Variants in WASHC2A observed in about 807,000 individuals in gnomAD.
WASHC2A encodes the protein WASH complex subunit 2A, also known as WASH complex subunit FAM21A.
In WASHC2A, 82 loss-of-function variants were observed where a neutral mutation model predicts 140.3. The observed-to-expected ratio is 0.58, with a 90% confidence interval of 0.49 to 0.70. The LOEUF (loss-of-function observed/expected upper bound fraction) is 0.70. Ranked by LOEUF, WASHC2A falls within the 30% of genes least tolerant of loss-of-function variation. The pLI is 0.00. For missense variants in WASHC2A, 985 were observed against 1,521.8 expected (o/e 0.65, Z 5.87); for synonymous variants, 340 against 560.8 (o/e 0.61, Z 5.56).
In WASHC2A at chr10:50,092,152, G is replaced by C. The variant is rs1460763128; in HGVS notation, c.932-10G>C. 6 of 1,558,622 alleles carry C rather than the reference G, an allele frequency of 3.8e-6. No homozygotes were observed. The highest frequency in any genetic ancestry group is 3.7e-5 in the Admixed American group (2 of 53,732). ...CTTAGTACTATTAAAACTGTGAACTGTTCTTCAAGCCTTACCCTCAGGAGA... is the reference window on the plus strand; with the variant it reads ...CTTAGTACTATTAAAACTGTGAACTCTTCTTCAAGCCTTACCCTCAGGAGA... On this transcript the variant is annotated splice_polypyrimidine_tract_variant and intron_variant, in intron 10 of 30. Transcript: ENST00000282633.
chr10:50,129,821 GGTGGTAAAGC>G lies in WASHC2A; in HGVS notation c.3491_3500del (p.Gly1164GlufsTer9), dbSNP rs1843775841. On this transcript the variant is annotated frameshift_variant, in exon 29 of 31. Transcript: ENST00000282633. LOFTEE classifies it high-confidence loss of function. ...AGAGAATCCTGCCAACCCACCAGTG[GGTGGTAAAGC>G]AAAGAGCCCCATGTTTCCTGCTCTA... 1.2e-6 allele frequency: 2 copies of G among 1,611,912 alleles called. No individual in the cohort carries two copies. The highest frequency in any genetic ancestry group is 1.3e-5 in the African/African-American group (1 of 74,860).
At chr10:50,077,134 G>A (rs1554878287) in intron 3 of WASHC2A, among the ~76,000 whole-genome samples, 12 of 149,102 alleles carry the variant, frequency 8.0e-5, no homozygotes, top group African/African-American at 3.0e-4. Flanking sequence ...AAAAAAAAGG[G>A]CAAAAACAAA....
intron 5 of WASHC2A, among the ~76,000 whole-genome samples, 155 bp from the exon 6 acceptor site, chr10:50,083,915 ATT>A (rs147264973): frequency 0.21 from 23,738 of 111,428 alleles, 4,657 homozygotes; most frequent in Admixed American, 0.33. Context: ...GAAAAAAAGA[ATT>A]TTTTTTTTAA....
chr10:50,102,057 C>A (rs1253735066), intron 17 of WASHC2A, among the ~76,000 whole-genome samples: 2 of 152,124 alleles, frequency 1.3e-5, no homozygotes, highest in African/African-American at 4.8e-5. Context: ...TCACAATGGC[C>A]CATCCAGGTT....
chr10:50,092,034 C>T (rs1839983191), intron 10 of WASHC2A, 128 bp from the exon 11 acceptor site: 1 of 1,579,844 alleles, frequency 6.3e-7, no homozygotes, highest in African/African-American at 1.3e-5. Flanking sequence ...TGCTCTGGTG[C>T]AGCTGAGATG....
In WASHC2A at chr10:50,083,603, G is replaced by T. The variant is rs1839117019; in HGVS notation, c.529-469G>T. Reference sequence around the variant, plus strand: ...ATGGAGTTTTGCTCTTATTGCCCAGGCTGGAGTGCAGTAGTGCAATCTCAG... The same window carrying T: ...ATGGAGTTTTGCTCTTATTGCCCAGTCTGGAGTGCAGTAGTGCAATCTCAG... On this transcript the variant is annotated intron_variant, in intron 5 of 30. Transcript: ENST00000282633. Among the ~76,000 whole-genome samples the T allele has an allele frequency of 4.1e-5, 5 of 121,036 alleles. No homozygotes were observed. In the South Asian group the frequency reaches 1.4e-3, roughly 34 times the overall value. 79.4% of individuals were successfully genotyped at this position (121,036 alleles called of 152,430 possible).
intron 4 of WASHC2A, among the ~76,000 whole-genome samples, chr10:50,080,056 G>T (rs1838756439): frequency 6.6e-6 from 1 of 151,772 alleles, no homozygotes; most frequent in African/African-American, 2.4e-5. Flanking sequence ...AGGGGGAAAT[G>T]ACACTAAATA....
intron 3 of WASHC2A, among the ~76,000 whole-genome samples, chr10:50,077,095 C>A (rs1838415377): frequency 7.5e-6 from 1 of 133,980 alleles, no homozygotes; most frequent in African/African-American, 2.8e-5. Context: ...CCAGCCTTGG[C>A]AACAGAGTGA....
intron 11 of WASHC2A, 63 bp downstream of exon 11, chr10:50,092,296 T>A: frequency 3.1e-6 from 3 of 961,410 alleles, no homozygotes; most frequent in Non-Finnish European, 4.7e-6. Context: ...GTTGCTTACA[T>A]AATTCATGAA....
intron 27 of WASHC2A, 36 bp downstream of exon 27, chr10:50,127,258 G>A: frequency 6.2e-7 from 1 of 1,611,882 alleles, no homozygotes; most frequent in South Asian, 1.1e-5. Flanking sequence ...TGCCTGCCCT[G>A]TGGCATCTAT....
At chr10:50,081,792 C>G (rs1476530237) in intron 5 of WASHC2A, among the ~76,000 whole-genome samples, 1 of 151,920 alleles carries the variant, frequency 6.6e-6, no homozygotes, top group Non-Finnish European at 1.5e-5. Context: ...ACCACCACAC[C>G]CAGCTAATTT....
chr10:50,113,036 G>C (rs1842412073), intron 20 of WASHC2A, among the ~76,000 whole-genome samples: 1 of 152,068 alleles, frequency 6.6e-6, no homozygotes, highest in Non-Finnish European at 1.5e-5. Flanking sequence ...TTAAAAGAGT[G>C]AATCTGGATT....
rs1336388850 is a variant in WASHC2A at position 50,090,867 on chromosome 10, T to C, written c.824T>C (p.Ile275Thr). Residue 275 changes from isoleucine (I) to threonine (T), a missense_variant, in exon 9 of 31, where the codon ATT (isoleucine) becomes ACT (threonine). Coordinates refer to ENST00000282633, the MANE Select transcript of WASHC2A (RefSeq NM_001005751.3). ...SEKEEEDIED[I>T]EENTRPKRSR... ...AAGGAGGAGGAAGATATTGAGGACA[T>C]TGAAGAAAATACTAGACCTGTAAGG... 54 of 1,611,346 alleles carry C rather than the reference T, an allele frequency of 3.4e-5. No individual in the cohort carries two copies. The highest frequency in any genetic ancestry group is 4.2e-5 in the Non-Finnish European group (49 of 1,179,760).
chr10:50,117,917 T>G lies in WASHC2A; in HGVS notation c.2154T>G (p.Thr718=), dbSNP rs1554892432. 6.6e-7 allele frequency: 1 copy of G among 1,517,950 alleles called. No homozygotes were observed. The highest frequency in any genetic ancestry group is 2.3e-5 in the East Asian group (1 of 43,742). The allele number at this position is 1,517,950 out of a possible 1,614,324, so 94.0% of individuals were successfully genotyped here. The change falls in exon 22 of 31, where the codon ACT becomes ACG. Residue 718 remains threonine (T), a synonymous_variant. Coordinates refer to ENST00000282633, the MANE Select transcript of WASHC2A (RefSeq NM_001005751.3). ...TCTTCTTTTGGTAGAAAAAAGAGAC[T>G]GTCTCTGAGGCACCACCTTTGCTGT... ...SVPPATKKKE[T]VSEAPPLLFS...
At chr10:50,108,889 G>GAAAA (rs1182148936) in intron 19 of WASHC2A, among the ~76,000 whole-genome samples, 4 of 75,632 alleles carry the variant, frequency 5.3e-5, no homozygotes, top group Admixed American at 1.7e-4. Flanking sequence ...CTCGAAAAAG[G>GAAAA]AAAAAAAAAA....
chr10:50,132,437 G>A (rs1163249912), intron 30 of WASHC2A, among the ~76,000 whole-genome samples: 7 of 152,332 alleles, frequency 4.6e-5, no homozygotes, highest in East Asian at 1.9e-4. Flanking sequence ...TTCCCTTTGC[G>A]TATTTTTATT....
chr10:50,094,099 T>C (rs1326280251), intron 13 of WASHC2A, among the ~76,000 whole-genome samples, 182 bp downstream of exon 13: 3 of 152,092 alleles, frequency 2.0e-5, no homozygotes, highest in African/African-American at 7.2e-5. Flanking sequence ...GAAAAAACAG[T>C]ACCATCTGTA....
chr10:50,087,408 T>C, intron 8 of WASHC2A, 86 bp downstream of exon 8: 1 of 1,577,652 alleles, frequency 6.3e-7, no homozygotes, highest in Non-Finnish European at 8.7e-7. Flanking sequence ...GAATGATTTA[T>C]GACCAAGTGA....
intron 25 of WASHC2A, 117 bp downstream of exon 25, chr10:50,125,566 A>G: frequency 6.2e-7 from 1 of 1,602,912 alleles, no homozygotes. Context: ...TTCCTACTAA[A>G]TGAATGGCAA....
Sources: allele counts gnomAD v4.1 joint callset (sites outside exome capture counted in the v4.1 genomes callset), GRCh38; gene constraint gnomAD v4.1.1; transcripts MANE v1.5; gene names NCBI Gene and HGNC (gene_info 2026-07-23, HGNC 2026-07-21).